The following UFL1 variants were observed in gnomAD, a reference collection of about 807,000 sequenced individuals.
UFL1 encodes the protein E3 UFM1-protein ligase 1.
A neutral mutation model predicts 99.3 loss-of-function variants in UFL1; 78 were observed. The observed-to-expected ratio is 0.79, with a 90% CI of 0.65 to 0.95. UFL1 has a LOEUF of 0.95. Ranked by LOEUF, UFL1 falls within the 40% of genes least tolerant of loss-of-function variation. The pLI is 0.00. For synonymous variants in UFL1, 335 were observed against 322.2 expected, an observed-to-expected ratio of 1.04 and a Z score of -0.42; for missense variants, 936 against 937.0, an observed-to-expected ratio of 1.00 and a Z score of 0.01.
At position 96,552,491 on chromosome 6, in the gene UFL1, G is replaced by C; in HGVS notation, c.1995G>C (p.Leu665=). 6.4e-7 allele frequency: 1 copy of C among 1,568,662 alleles called. No homozygotes were observed. Among genetic ancestry groups the C allele is most frequent in the Non-Finnish European group, 8.6e-7 (1 of 1,165,762 alleles). Residue 665 remains leucine (L), a synonymous_variant, in exon 18 of 19, where the codon CTG becomes CTC. Coordinates refer to ENST00000369278, the MANE Select transcript of UFL1 (RefSeq NM_015323.5). ...RGDKKRERQI[L]FQHRQALAEQ... ...TTTTTTTTTTTTTTAGACAGATACT[G>C]TTCCAACATCGACAAGCACTGGCTG...
chr6:96,553,215 A>G, intron 18 of UFL1, 70 bp from the exon 19 acceptor site: 3 of 1,459,410 alleles, frequency 2.1e-6, no homozygotes, highest in Non-Finnish European at 2.8e-6. Context: ...TATTAGTTGA[A>G]GAAATTCTAC....
rs772712278 is a variant in UFL1 at position 96,536,395 on chromosome 6, C to T, written c.802+5C>T. 3.1e-6 allele frequency: 5 copies of T among 1,593,692 alleles called. No individual in the cohort carries two copies. Among genetic ancestry groups the T allele is most frequent in the Non-Finnish European group, 4.3e-6 (5 of 1,167,546 alleles). ...TCAGGCAGAATGGCTATCTAGGTAA[C>T]TTTCTTATTTCTTTAAAACTAAAAT... On this transcript the variant is annotated splice_donor_5th_base_variant and intron_variant, in intron 8 of 18. Coordinates refer to ENST00000369278, the MANE Select transcript of UFL1 (RefSeq NM_015323.5).
intron 6 of UFL1, among the ~76,000 whole-genome samples, chr6:96,529,062 C>T (rs1369122356): frequency 1.3e-5 from 2 of 152,152 alleles, no homozygotes; most frequent in African/African-American, 4.8e-5. Flanking sequence ...TCATATGGGG[C>T]TAGAGAATTT....
At chr6:96,538,207 G>A (rs1769880895) in intron 9 of UFL1, among the ~76,000 whole-genome samples, 1 of 151,764 alleles carries the variant, frequency 6.6e-6, no homozygotes, top group Non-Finnish European at 1.5e-5. Flanking sequence ...CAAGCTTGCT[G>A]TCTTTAGGAG....
Position 96,537,616 on chromosome 6 carries a change from A to T in UFL1, c.978+67A>T, listed in dbSNP as rs1029919108. The T allele has an allele frequency of 3.5e-6, 5 of 1,416,156 alleles. No individual in the cohort carries two copies. In the East Asian group the frequency reaches 8.0e-5, roughly 23 times the overall value. 87.7% of individuals were successfully genotyped at this position (1,416,156 alleles called of 1,614,324 possible). A position where few individuals can be genotyped will look rare whatever the true frequency, so the allele number is the denominator to read the frequency against. ...ACTGATATTTTACTAATATTTGACC[A>T]TTTAGAAATTAGGATACATAAAGGT... On this transcript the variant is annotated intron_variant, in intron 9 of 18. Coordinates refer to ENST00000369278, the MANE Select transcript of UFL1 (RefSeq NM_015323.5).
At chr6:96,538,880 G>A in intron 10 of UFL1, 70 bp downstream of exon 10, 1 of 1,329,356 alleles carries the variant, frequency 7.5e-7, no homozygotes, top group African/African-American at 1.5e-5. Context: ...GATGTCTTTT[G>A]AAAAAGGGGA....
rs1582436552 is a variant in UFL1, at chr6:96,525,489, C to G, written c.350+95C>G. 3.4e-6 allele frequency: 3 copies of G among 871,846 alleles called. No individual in the cohort carries two copies. In the East Asian group the frequency reaches 7.7e-5, roughly 22 times the overall value. The allele number at this position is 871,846 out of a possible 1,614,324, so 54.0% of individuals were successfully genotyped here. A position where few individuals can be genotyped will look rare whatever the true frequency, so the allele number is the denominator to read the frequency against. ...TTTAGGCCAATTATGGCCAGTTAGA[C>G]ATTTCATTTATAACTCTTACAGTGT... is the stretch of plus-strand genomic sequence containing the variant. On this transcript the variant is annotated intron_variant, in intron 4 of 18. Transcript: ENST00000369278.
chr6:96,549,182 TA>T (rs1369392668), intron 13 of UFL1, among the ~76,000 whole-genome samples: 1 of 151,722 alleles, frequency 6.6e-6, no homozygotes, highest in Non-Finnish European at 1.5e-5. Context: ...CTTGGTGTCT[TA>T]ATTGCAGTAA....
chr6:96,521,979 G>T (rs756503902), intron 1 of UFL1, 29 bp downstream of exon 1: 13 of 1,598,774 alleles, frequency 8.1e-6, no homozygotes, highest in South Asian at 4.5e-5. Context: ...CCTTTGTGGA[G>T]CCCAAATTAG....
chr6:96,549,838 G>T (rs1770053174), intron 15 of UFL1, 39 bp downstream of exon 15: 1 of 1,597,976 alleles, frequency 6.3e-7, no homozygotes, highest in East Asian at 2.2e-5. Flanking sequence ...GATGTGTTCT[G>T]TTTTGCATCT....
At chr6:96,540,070 G>GCCCCA (rs1554221024) in intron 10 of UFL1, among the ~76,000 whole-genome samples, 1 of 150,896 alleles carries the variant, frequency 6.6e-6, no homozygotes, top group Non-Finnish European at 1.5e-5. Context: ...CCAGAGGGGG[G>GCCCCA]AAAAAAAGAT....
intron 15 of UFL1, among the ~76,000 whole-genome samples, chr6:96,551,197 C>G (rs1329867421): frequency 6.6e-6 from 1 of 151,938 alleles, no homozygotes; most frequent in East Asian, 1.9e-4. Flanking sequence ...GTCAACGACT[C>G]TCTCTAGTCT....
chr6:96,540,224 G>A (rs953236341), intron 10 of UFL1, among the ~76,000 whole-genome samples: 2 of 151,482 alleles, frequency 1.3e-5, no homozygotes, highest in Non-Finnish European at 3.0e-5. Flanking sequence ...CATCAATTAA[G>A]CTGTGGTAAA....
In UFL1 at chr6:96,526,325, T is replaced by C. The variant is rs1190899324; in HGVS notation, c.355T>C (p.Tyr119His). The change falls in exon 5 of 19, where the codon TAT (tyrosine) becomes CAT (histidine). Residue 119 changes from tyrosine (Y) to histidine (H), a missense_variant. By Grantham distance (83) the Tyr-to-His change is moderately conservative. Coordinates refer to ENST00000369278, the MANE Select transcript of UFL1 (RefSeq NM_015323.5). Reference protein sequence around the residue: ...LVLGQLIDENYLDRLAEEVND... With the variant: ...LVLGQLIDENHLDRLAEEVND... Reference sequence around the variant, plus strand: ...TTTTCTTGTTTTCACTATTAGGAATTATTTGGATCGGTTGGCAGAAGAGGT... The same window carrying C: ...TTTTCTTGTTTTCACTATTAGGAATCATTTGGATCGGTTGGCAGAAGAGGT... 5.6e-6 allele frequency: 9 copies of C among 1,611,258 alleles called. No individual in the cohort carries two copies. The highest frequency in any genetic ancestry group is 7.6e-6 in the Non-Finnish European group (9 of 1,178,766).
At chr6:96,543,390 G>A (rs1167924315) in intron 12 of UFL1, among the ~76,000 whole-genome samples, 5 of 151,166 alleles carry the variant, frequency 3.3e-5, no homozygotes, top group African/African-American at 9.7e-5. Context: ...AAACAACAAA[G>A]CATGTAGCTG....
At chr6:96,546,028 G>A (rs1489659358) in intron 12 of UFL1, among the ~76,000 whole-genome samples, 1 of 151,014 alleles carries the variant, frequency 6.6e-6, no homozygotes, top group East Asian at 2.0e-4. Context: ...AGAGCAGTCA[G>A]GCAAAAGAAA....
intron 5 of UFL1, among the ~76,000 whole-genome samples, 167 bp from the exon 6 acceptor site, chr6:96,528,335 A>ACTGAAT (rs1769731475): frequency 6.6e-6 from 1 of 152,206 alleles, no homozygotes; most frequent in African/African-American, 2.4e-5. Flanking sequence ...TTTGCTAGAC[A>ACTGAAT]CTGAATCTTC....
chr6:96,527,805 G>GA (rs1312783548), intron 5 of UFL1, among the ~76,000 whole-genome samples: 1 of 151,952 alleles, frequency 6.6e-6, no homozygotes, highest in Admixed American at 6.6e-5. Context: ...CATTAAGTTT[G>GA]AAAAAAACAT....
At chr6:96,542,175 G>A (rs1769939792) in intron 11 of UFL1, among the ~76,000 whole-genome samples, 1 of 151,242 alleles carries the variant, frequency 6.6e-6, no homozygotes, top group Non-Finnish European at 1.5e-5. Context: ...GGGAAATGCT[G>A]AAGTAGTATT....
Sources: gnomAD v4.1 joint callset for allele counts (sites outside exome capture counted in the v4.1 genomes callset) on GRCh38, gnomAD v4.1.1 for gene constraint, MANE v1.5 for transcripts, NCBI Gene and HGNC (gene_info 2026-07-23, HGNC 2026-07-21) for gene names.